H2BC5: variants seen among roughly 807,000 people sequenced by gnomAD.
H2BC5 encodes H2B clustered histone 5.
A neutral mutation model predicts 5.7 loss-of-function variants in H2BC5; 9 were observed. The ratio of observed to expected loss-of-function variants is 1.57; its 90% CI spans 0.95 to 2.74. The LOEUF is 2.74. H2BC5 is among the 30% of genes most tolerant of loss of function. H2BC5 has a pLI of 0.00. For missense variants in H2BC5, 175 were observed against 168.8 expected, an observed-to-expected ratio of 1.04 and a Z score of -0.20; for synonymous variants, 133 against 70.9, an observed-to-expected ratio of 1.88 and a Z score of -4.40.
intron 1 of H2BC5, among the ~76,000 whole-genome samples, chr6:26,170,490 T>G (rs1764501075): frequency 2.6e-5 from 4 of 152,212 alleles, no homozygotes. Context: ...GTGACTCGGA[T>G]TTTCTGGGTT....
chr6:26,161,780 A>G (rs2113834417), downstream of H2BC5, among the ~76,000 whole-genome samples: 1 of 152,238 alleles, frequency 6.6e-6, no homozygotes, highest in South Asian at 2.1e-4. Flanking sequence ...CTCAAATAAT[A>G]AATAAATAAA....
At chr6:26,163,462 T>C (rs1286224908), downstream of H2BC5, 2 of 152,164 alleles carry the variant, frequency 1.3e-5, no homozygotes, top group Non-Finnish European at 2.9e-5. Context: ...TAGGTGGTTA[T>C]GGCTCCGGGT....
At chr6:26,166,723 G>A (rs1392422952) in intron 1 of H2BC5, among the ~76,000 whole-genome samples, 1 of 126,662 alleles carries the variant, frequency 7.9e-6, no homozygotes, top group Non-Finnish European at 1.6e-5. Context: ...TTTTTGACAC[G>A]GAGTCTTGTT....
downstream of H2BC5, among the ~76,000 whole-genome samples, chr6:26,159,387 G>C (rs1197018342): frequency 1.3e-5 from 2 of 151,156 alleles, no homozygotes; most frequent in African/African-American, 2.4e-5. Flanking sequence ...CCCCTTTGCA[G>C]TACAATTTAT....
At position 26,158,157 on chromosome 6, in the gene H2BC5, T is replaced by A; in HGVS notation, c.-13T>A. 1 of 1,610,750 alleles carries A rather than the reference T, an allele frequency of 6.2e-7. No homozygotes were observed. Among genetic ancestry groups the A allele is most frequent in the Non-Finnish European group, 8.5e-7 (1 of 1,178,778 alleles). ...CAGGTGTTTGCAACAGTGTTCTAAC[T>A]ATTAACGCTACGATGCCTGAACCTA... On this transcript the variant is annotated 5_prime_UTR_variant, in exon 1 of 1. Transcript: ENST00000377777.
intron 1 of H2BC5, among the ~76,000 whole-genome samples, chr6:26,166,992 T>A (rs1255738277): frequency 6.6e-6 from 1 of 150,542 alleles, no homozygotes; most frequent in Non-Finnish European, 1.5e-5. Flanking sequence ...TGAGCCACCG[T>A]GCCCGGCCTC....
At chr6:26,164,111 G>A (rs1013927636) in intron 1 of H2BC5, 3 of 456,908 alleles carry the variant, frequency 6.6e-6, no homozygotes, top group South Asian at 3.7e-5. Flanking sequence ...CCAAAGTCTT[G>A]AAGACTTCTG....
downstream of H2BC5, chr6:26,161,187 A>C (rs1352760169): frequency 6.6e-6 from 1 of 152,196 alleles, no homozygotes; most frequent in East Asian, 1.9e-4. Context: ...CAGTCTGGGC[A>C]ACAAGAGTGA....
chr6:26,159,243 GTTTTTTTTTT>G (rs35999697), downstream of H2BC5, among the ~76,000 whole-genome samples: 8 of 61,402 alleles, frequency 1.3e-4, no homozygotes, highest in South Asian at 9.4e-4. Flanking sequence ...TAATTTATAG[GTTTTTTTTTT>G]TTTTTTTTTT....
chr6:26,159,057 C>T (rs759632521), downstream of H2BC5, among the ~76,000 whole-genome samples: 25 of 152,050 alleles, frequency 1.6e-4, no homozygotes, highest in Admixed American at 9.8e-4. Context: ...GAGCTGAACA[C>T]GGAACTATTA....
chr6:26,167,021 ATTCTT>A (rs1327136965), intron 1 of H2BC5, among the ~76,000 whole-genome samples: 1 of 93,278 alleles, frequency 1.1e-5, no homozygotes, highest in Non-Finnish European at 2.4e-5. Flanking sequence ...TTTTCTTCAC[ATTCTT>A]TTCTTTCTTT....
intron 1 of H2BC5, among the ~76,000 whole-genome samples, chr6:26,168,105 C>T (rs1220185416): frequency 6.6e-6 from 1 of 151,838 alleles, no homozygotes; most frequent in African/African-American, 2.4e-5. Flanking sequence ...CTGCTTTAGT[C>T]CTTTGTACTT....
Position 26,158,510 on chromosome 6 carries a change from A to T in H2BC5, c.341A>T (p.Glu114Val). 6.2e-7 allele frequency: 1 copy of T among 1,614,254 alleles called. No homozygotes were observed. Residue 114 changes from glutamate to valine, a missense_variant, in exon 1 of 1, where the codon GAG (glutamate) becomes GTG (valine). By Grantham distance (121) the Glu-to-Val change is moderately radical (BLOSUM62 -2). This residue lies in a region of H2BC5 where 9 missense variants were observed against 28.5 expected (regional missense o/e 0.32). Transcript: ENST00000377777. The part of the protein sequence containing the change: ...PGELAKHAVS[E>V]GTKAVTKYTS... ...GAGCTGGCCAAGCACGCCGTGTCGG[A>T]GGGCACCAAGGCCGTCACCAAGTAC...
intron 1 of H2BC5, among the ~76,000 whole-genome samples, chr6:26,168,452 C>G (rs1379438284): frequency 1.3e-5 from 2 of 149,784 alleles, no homozygotes; most frequent in South Asian, 4.2e-4. Context: ...GACCAAAACT[C>G]CATTTTTTAA....
intron 1 of H2BC5, among the ~76,000 whole-genome samples, chr6:26,166,792 TG>T (rs1177671142): frequency 6.9e-6 from 1 of 145,626 alleles, no homozygotes; most frequent in African/African-American, 2.5e-5. Context: ...CTCCGCCTCC[TG>T]GGTTCAAGCC....
intron 1 of H2BC5, among the ~76,000 whole-genome samples, chr6:26,169,280 G>A (rs895871132): frequency 6.6e-6 from 1 of 152,120 alleles, no homozygotes; most frequent in Non-Finnish European, 1.5e-5. Context: ...CACTGGCTTG[G>A]GCGCTGCATA....
chr6:26,162,225 T>TCTAG (rs149808314), downstream of H2BC5, among the ~76,000 whole-genome samples: 3,026 of 152,340 alleles, frequency 0.02, 62 homozygotes, highest in African/African-American at 0.058. Context: ...GAATTTTGTG[T>TCTAG]CTAGCTAACC....
In H2BC5 at chr6:26,158,337, T is replaced by C; in HGVS notation, c.168T>C (p.Ser56=). The change falls in exon 1 of 1, where the codon TCT becomes TCC. Residue 56 remains serine, a synonymous_variant. Coordinates refer to ENST00000377777, the MANE Select transcript of H2BC5 (RefSeq NM_021063.4). ...LKQVHPDTGI[S]SKAMGIMNSF... ...AGGTCCATCCCGACACCGGCATCTC[T>C]TCCAAGGCAATGGGGATCATGAATT... 6.2e-7 allele frequency: 1 copy of C among 1,614,272 alleles called. No individual in the cohort carries two copies. Among genetic ancestry groups the C allele is most frequent in the Non-Finnish European group, 8.5e-7 (1 of 1,180,056 alleles).
downstream of H2BC5, chr6:26,158,660 C>T (rs1209053546): frequency 4.1e-6 from 6 of 1,475,106 alleles, no homozygotes; most frequent in South Asian, 4.0e-5. Flanking sequence ...GGTTATTGGA[C>T]TTAGCACCAC....
Sources: gnomAD v4.1 joint callset for allele counts (sites outside exome capture counted in the v4.1 genomes callset) on GRCh38, gnomAD v4.1.1 for gene constraint, gnomAD v4.1.1 regional missense constraint, MANE v1.5 for transcripts, NCBI Gene and HGNC (gene_info 2026-07-23, HGNC 2026-07-21) for gene names.